PTGFRN: variants seen among roughly 807,000 people sequenced by gnomAD.
PTGFRN encodes prostaglandin F2 receptor inhibitor.
In PTGFRN, 35 loss-of-function variants were observed where a neutral mutation model predicts 83.2. The ratio of observed to expected loss-of-function variants is 0.42; its 90% CI spans 0.32 to 0.56. The LOEUF (loss-of-function observed/expected upper bound fraction) is 0.56. Ranked by LOEUF, PTGFRN falls within the 20% of genes least tolerant of loss-of-function variation. The pLI, the probability that PTGFRN is intolerant of heterozygous loss-of-function variation, is 0.11. For synonymous variants in PTGFRN, 519 were observed against 498.6 expected (o/e 1.04, Z -0.55); for missense variants, 1,051 against 1,179.5 (o/e 0.89, Z 1.60).
chr1:116,957,109 CTCTCTCTCTCTCTCTCTT>C (rs1408196347), intron 4 of PTGFRN, among the ~76,000 whole-genome samples: 2 of 149,284 alleles, frequency 1.3e-5, no homozygotes, highest in Middle Eastern at 3.3e-3. Context: ...TTTTAACTCT[CTCTCTCTCTCTCTCTCTT>C]TCTCTCTCTC....
rs1453366804 is a variant in PTGFRN, at chr1:116,961,133, G to A, written c.1214-110G>A. On this transcript the variant is annotated intron_variant, in intron 4 of 8. Transcript: ENST00000393203. This position sits in a 1 kb window ranked among gnomAD's most constrained non-coding sequence, Gnocchi z 5.4. ...TTTCTGTCTCTCTAGTCCGGCAGGA[G>A]AAGCATTTAATTGTTAAAACAAGAG... The A allele has an allele frequency of 1.7e-6, 2 of 1,156,222 alleles. No individual in the cohort carries two copies. Among genetic ancestry groups the A allele is most frequent in the Non-Finnish European group, 1.2e-6 (1 of 856,738 alleles). 71.6% of individuals were successfully genotyped at this position (1,156,222 alleles called of 1,614,324 possible). A position where few individuals can be genotyped will look rare whatever the true frequency, so the allele number is the denominator to read the frequency against.
At chr1:116,920,915 T>C (rs2182605) in intron 1 of PTGFRN, among the ~76,000 whole-genome samples, 75,632 of 152,042 alleles carry the variant, frequency 0.5, 18,950 homozygotes, top group Admixed American at 0.55. Flanking sequence ...TGAGCTACCA[T>C]GTCTAGCCGA....
intron 6 of PTGFRN, among the ~76,000 whole-genome samples, chr1:116,971,830 GT>G (rs1651004931): frequency 6.6e-6 from 1 of 152,204 alleles, no homozygotes; most frequent in Admixed American, 6.5e-5. Context: ...AATTAAGTAA[GT>G]CTTCTTTGCT....
At chr1:116,911,340 C>T (rs1438540974) in intron 1 of PTGFRN, among the ~76,000 whole-genome samples, 2 of 152,174 alleles carry the variant, frequency 1.3e-5, no homozygotes, top group African/African-American at 2.4e-5. Context: ...CAGGTCCCAG[C>T]TGCACACAGG....
At position 116,925,085 on chromosome 1, in the gene PTGFRN, G is replaced by T. The variant is rs550175941; in HGVS notation, c.49+14833G>T. ...TTGATGATGAGTAGGTTTTTGTCTGGCAGAGAAGGGGTGGGTAGTTTACTT... is the reference window on the plus strand; with the variant it reads ...TTGATGATGAGTAGGTTTTTGTCTGTCAGAGAAGGGGTGGGTAGTTTACTT... On this transcript the variant is annotated intron_variant, in intron 1 of 8. Transcript: ENST00000393203. Among the ~76,000 whole-genome samples the T allele has an allele frequency of 9.0e-4, 137 of 152,274 alleles. 1 individual carries two copies. The highest frequency in any genetic ancestry group is 1.5e-3 in the Non-Finnish European group (103 of 68,026).
chr1:116,910,045 C>T lies in PTGFRN; in HGVS notation c.-159C>T. 4 of 810,240 alleles carry T rather than the reference C, an allele frequency of 4.9e-6. No individual in the cohort carries two copies. Among genetic ancestry groups the T allele is most frequent in the East Asian group, 2.9e-5 (1 of 34,228 alleles). The allele number at this position is 810,240 out of a possible 1,614,324, so 50.2% of individuals were successfully genotyped here. On this transcript the variant is annotated 5_prime_UTR_variant, in exon 1 of 9. Coordinates refer to ENST00000393203, the MANE Select transcript of PTGFRN (RefSeq NM_020440.4). ...GAGCGGAGCCAGGGGCGCACGTACG[C>T]CCCAGCGCTGGGATTTATCGGCTCG...
At chr1:116,911,212 C>T (rs917647555) in intron 1 of PTGFRN, among the ~76,000 whole-genome samples, 1 of 152,204 alleles carries the variant, frequency 6.6e-6, no homozygotes, top group East Asian at 1.9e-4. Context: ...TCCTTGTTGT[C>T]AGTGTCAACC....
At chr1:116,981,488 C>G (rs1166537738) in intron 7 of PTGFRN, among the ~76,000 whole-genome samples, 1 of 152,230 alleles carries the variant, frequency 6.6e-6, no homozygotes, top group Admixed American at 6.5e-5. Context: ...GGGGCAAGCT[C>G]TAAGCAAAGG....
intron 3 of PTGFRN, among the ~76,000 whole-genome samples, chr1:116,948,667 C>T (rs753282720): frequency 6.6e-6 from 1 of 152,204 alleles, no homozygotes; most frequent in Non-Finnish European, 1.5e-5. Context: ...GCAAGTCTTC[C>T]TTTTCTGTAA....
intron 5 of PTGFRN, among the ~76,000 whole-genome samples, chr1:116,964,138 C>T (rs1650759935): frequency 6.6e-6 from 1 of 152,130 alleles, no homozygotes; most frequent in South Asian, 2.1e-4. Context: ...CTGTTTCCCA[C>T]ACCCATTTGT....
intron 4 of PTGFRN, among the ~76,000 whole-genome samples, chr1:116,950,360 G>A (rs1650311156): frequency 6.6e-6 from 1 of 152,204 alleles, no homozygotes. Context: ...GGGTCAAGCT[G>A]GGTGTGGAAA....
At chr1:116,946,042 G>A (rs139532325) in intron 3 of PTGFRN, among the ~76,000 whole-genome samples, 2 of 152,280 alleles carry the variant, frequency 1.3e-5, no homozygotes, top group African/African-American at 2.4e-5. Context: ...TTGGTTTTCT[G>A]CAAGTCTGAC....
chr1:116,951,792 C>G (rs865798199), intron 4 of PTGFRN, among the ~76,000 whole-genome samples: 1 of 152,160 alleles, frequency 6.6e-6, no homozygotes, highest in South Asian at 2.1e-4. Flanking sequence ...TCAAAGACTT[C>G]CCCGCTGGAC....
At chr1:116,948,736 A>C (rs756848594) in intron 3 of PTGFRN, among the ~76,000 whole-genome samples, 1 of 152,222 alleles carries the variant, frequency 6.6e-6, no homozygotes, top group Non-Finnish European at 1.5e-5. Flanking sequence ...TACAGTCTTC[A>C]ATAGACTGCT....
chr1:116,975,755 C>T (rs573069874), intron 7 of PTGFRN, among the ~76,000 whole-genome samples: 2 of 152,270 alleles, frequency 1.3e-5, no homozygotes, highest in African/African-American at 2.4e-5. Flanking sequence ...AAGGTAGATA[C>T]AACCACAAAG....
intron 3 of PTGFRN, among the ~76,000 whole-genome samples, chr1:116,945,627 G>C (rs188899416): frequency 1.1e-4 from 16 of 152,246 alleles, no homozygotes; most frequent in South Asian, 2.1e-4. Context: ...TTCCTGGAAG[G>C]GGGAGGAGCT....
Position 116,974,205 on chromosome 1 carries a change from T to G in PTGFRN, c.2060-11T>G, listed in dbSNP as rs1173822842. The G allele has an allele frequency of 6.4e-7, 1 of 1,555,812 alleles. No homozygotes were observed. Among genetic ancestry groups the G allele is most frequent in the Admixed American group, 1.7e-5 (1 of 59,052 alleles). ...AAGAGAATAATGAGGCTGGCATTAC[T>G]TTTTTTCCAGGTCCTATATTTAATG... On this transcript the variant is annotated splice_polypyrimidine_tract_variant and intron_variant, in intron 6 of 8. Transcript: ENST00000393203.
intron 1 of PTGFRN, among the ~76,000 whole-genome samples, chr1:116,916,143 G>A (rs2101049956): frequency 6.6e-6 from 1 of 152,148 alleles, no homozygotes; most frequent in East Asian, 1.9e-4. Flanking sequence ...GTGTCACTAA[G>A]CAGCATGATT....
Position 116,967,200 on chromosome 1 carries a change from C to T in PTGFRN, c.1929C>T (p.Tyr643=), listed in dbSNP as rs760002857. The change falls in exon 6 of 9, where the codon TAC becomes TAT. Residue 643 remains tyrosine, a synonymous_variant. Coordinates refer to ENST00000393203, the MANE Select transcript of PTGFRN (RefSeq NM_020440.4). ...VQEDEFRYRM[Y]QTQVSDAGLY... The stretch of plus-strand genomic sequence containing the variant: ...AGGATGAGTTCCGCTATCGAATGTA[C>T]CAGACTCAGGTCTCAGACGCAGGGC... 1 of 1,614,160 alleles carries T rather than the reference C, an allele frequency of 6.2e-7. No homozygotes were observed. The highest frequency in any genetic ancestry group is 8.5e-7 in the Non-Finnish European group (1 of 1,180,028).
Sources: allele counts gnomAD v4.1 joint callset (sites outside exome capture counted in the v4.1 genomes callset), GRCh38; gene constraint gnomAD v4.1.1; non-coding constraint Gnocchi (gnomAD v3.1); transcripts MANE v1.5; gene names NCBI Gene and HGNC (gene_info 2026-07-23, HGNC 2026-07-21).